Variants in TYR observed in about 807,000 individuals in gnomAD.
The protein encoded by TYR is tyrosinase, also known as LB24-AB.
In TYR, 58 loss-of-function variants were observed where a neutral mutation model predicts 51.5. The ratio of observed to expected loss-of-function variants is 1.13; its 90% confidence interval spans 0.91 to 1.40. The LOEUF (loss-of-function observed/expected upper bound fraction) is 1.40, where lower values mean the gene tolerates loss of function less well. TYR is among the 40% of genes most tolerant of loss of function. The pLI is 0.00. For synonymous variants in TYR, 263 were observed against 235.2 expected (o/e 1.12, Z -1.08); for missense variants, 732 against 647.4 (o/e 1.13, Z -1.42).
chr11:89,287,262 A>G (rs1409716343), intron 4 of TYR, among the ~76,000 whole-genome samples: 1 of 151,868 alleles, frequency 6.6e-6, no homozygotes, highest in Non-Finnish European at 1.5e-5. Context: ...TTTATCATGA[A>G]GTGTCATTTC....
At chr11:89,248,523 A>C (rs1248397363) in intron 3 of TYR, among the ~76,000 whole-genome samples, 2 of 152,146 alleles carry the variant, frequency 1.3e-5, no homozygotes, top group Admixed American at 1.3e-4. Flanking sequence ...GGCATAAAAG[A>C]GCTTGTCTTG....
intron 1 of TYR, among the ~76,000 whole-genome samples, chr11:89,188,482 T>C (rs1943404104): frequency 6.6e-6 from 1 of 152,084 alleles, no homozygotes; most frequent in Non-Finnish European, 1.5e-5. Context: ...AAATGTTTAA[T>C]AACTTGTTCT....
chr11:89,215,197 G>A (rs1258444632), intron 2 of TYR, among the ~76,000 whole-genome samples: 1 of 152,156 alleles, frequency 6.6e-6, no homozygotes, highest in African/African-American at 2.4e-5. Flanking sequence ...TTACTTGGGA[G>A]AAGCTTGCAG....
chr11:89,264,771 C>T (rs113207328), intron 3 of TYR, among the ~76,000 whole-genome samples: 1 of 150,592 alleles, frequency 6.6e-6, no homozygotes, highest in African/African-American at 2.4e-5. Context: ...GAGATCATGT[C>T]CTTTGCAGGG....
At chr11:89,223,340 A>AG (rs1163088649) in intron 2 of TYR, among the ~76,000 whole-genome samples, 3 of 152,288 alleles carry the variant, frequency 2.0e-5, no homozygotes, top group Non-Finnish European at 4.4e-5. Context: ...TTCTTCCAAA[A>AG]CAGAGTCAAA....
In TYR at chr11:89,178,293, G is replaced by A. The variant is rs1297405264; in HGVS notation, c.340G>A (p.Glu114Lys). ...TGGCTTTTGGGGACCAAACTGCACA[G>A]AGAGACGACTCTTGGTGAGAAGAAA... is the stretch of plus-strand genomic sequence containing the variant. ...KFGFWGPNCT[E>K]RRLLVRRNIF... Residue 114 changes from glutamate (E) to lysine (K), a missense_variant, in exon 1 of 5, where the codon GAG becomes AAG. Physicochemically the swap from Glu to Lys is moderately conservative, Grantham distance 56. Coordinates refer to ENST00000263321, the MANE Select transcript of TYR (RefSeq NM_000372.5). 2 of 1,614,074 alleles carry A rather than the reference G, an allele frequency of 1.2e-6. No homozygotes were observed. The highest frequency in any genetic ancestry group is 4.5e-5 in the East Asian group (2 of 44,872).
At chr11:89,241,761 T>C (rs1299576857) in intron 3 of TYR, among the ~76,000 whole-genome samples, 5 of 147,940 alleles carry the variant, frequency 3.4e-5, no homozygotes, top group Non-Finnish European at 7.4e-5. Context: ...ATATTTTATA[T>C]TATATATTAC....
intron 3 of TYR, among the ~76,000 whole-genome samples, chr11:89,235,503 A>C (rs971993206): frequency 6.6e-6 from 1 of 152,184 alleles, no homozygotes; most frequent in Non-Finnish European, 1.5e-5. Context: ...TTAAAAAGAA[A>C]TTCTGTCATC....
At chr11:89,229,801 A>T (rs1200338261) in intron 3 of TYR, among the ~76,000 whole-genome samples, 2 of 152,106 alleles carry the variant, frequency 1.3e-5, no homozygotes, top group East Asian at 1.9e-4. Context: ...GTACGACAGC[A>T]TCAAAAAATA....
intron 3 of TYR, among the ~76,000 whole-genome samples, chr11:89,253,281 T>A (rs977811634): frequency 6.6e-6 from 1 of 151,694 alleles, no homozygotes; most frequent in African/African-American, 2.4e-5. Context: ...GCTTGAAGAG[T>A]TGTTTTTCAA....
chr11:89,292,475 T>C (rs533393700), intron 4 of TYR, among the ~76,000 whole-genome samples: 2 of 152,240 alleles, frequency 1.3e-5, no homozygotes, highest in South Asian at 2.1e-4. Flanking sequence ...CATGTTCTTA[T>C]GTGGTTTGAA....
intron 2 of TYR, among the ~76,000 whole-genome samples, chr11:89,194,738 T>A (rs894585893): frequency 6.6e-6 from 1 of 152,160 alleles, no homozygotes; most frequent in Admixed American, 6.6e-5. Flanking sequence ...TGATAGTGTA[T>A]AACTCATTGA....
chr11:89,200,977 A>G (rs1943590717), intron 2 of TYR, among the ~76,000 whole-genome samples: 1 of 152,138 alleles, frequency 6.6e-6, no homozygotes, highest in African/African-American at 2.4e-5. Context: ...AGCATCATGA[A>G]TGAGTATTTT....
intron 1 of TYR, among the ~76,000 whole-genome samples, chr11:89,187,381 A>G (rs1943388223): frequency 6.6e-6 from 1 of 152,150 alleles, no homozygotes; most frequent in Non-Finnish European, 1.5e-5. Context: ...ATCAGTACAT[A>G]GAGGAATGTG....
chr11:89,267,297 T>C (rs1944537166), intron 3 of TYR, among the ~76,000 whole-genome samples: 1 of 151,996 alleles, frequency 6.6e-6, no homozygotes, highest in Non-Finnish European at 1.5e-5. Flanking sequence ...TGACTCTTAC[T>C]TTATAGCACT....
chr11:89,214,194 G>C (rs1401060289), intron 2 of TYR, among the ~76,000 whole-genome samples: 2 of 150,752 alleles, frequency 1.3e-5, no homozygotes, highest in African/African-American at 4.9e-5. Flanking sequence ...CTGACAAAGG[G>C]CTAATGTCCA....
At chr11:89,248,469 A>C (rs1944293125) in intron 3 of TYR, among the ~76,000 whole-genome samples, 1 of 152,136 alleles carries the variant, frequency 6.6e-6, no homozygotes, top group Non-Finnish European at 1.5e-5. Flanking sequence ...TCCCTCTGGG[A>C]CAAGATTTTT....
intron 3 of TYR, among the ~76,000 whole-genome samples, chr11:89,255,542 T>A (rs1449871611): frequency 6.6e-6 from 1 of 151,806 alleles, no homozygotes; most frequent in African/African-American, 2.4e-5. Flanking sequence ...ATTAGAAATT[T>A]TCCTTGTAGA....
At chr11:89,209,548 G>A (rs1429300632) in intron 2 of TYR, among the ~76,000 whole-genome samples, 1 of 152,178 alleles carries the variant, frequency 6.6e-6, no homozygotes, top group Non-Finnish European at 1.5e-5. Flanking sequence ...TGAACAAAAG[G>A]CATCAGACAG....
Sources: gnomAD v4.1 joint callset for allele counts (sites outside exome capture counted in the v4.1 genomes callset) on GRCh38, gnomAD v4.1.1 for gene constraint, MANE v1.5 for transcripts, NCBI Gene and HGNC (gene_info 2026-07-23, HGNC 2026-07-21) for gene names.